Variants in MAP2K7 observed in about 807,000 individuals in gnomAD.
MAP2K7 encodes dual specificity mitogen-activated protein kinase kinase 7.
Under a neutral mutation model 47.7 loss-of-function variants are expected in MAP2K7, and 12 were observed. The observed-to-expected ratio is 0.25, with a 90% confidence interval of 0.16 to 0.41. The LOEUF is 0.41. MAP2K7 is among the 10% of genes least tolerant of loss of function. The probability of loss-of-function intolerance (pLI) is 1.00; values close to 1 mark genes in which losing one functional copy is unlikely to be tolerated. For synonymous variants in MAP2K7, 299 were observed against 243.0 expected (o/e 1.23, Z -2.14); for missense variants, 415 against 600.3 (o/e 0.69, Z 3.23).
intron 1 of MAP2K7, among the ~76,000 whole-genome samples, 178 bp downstream of exon 1, chr19:7,904,246 G>A (rs1982288420): frequency 1.3e-5 from 2 of 152,058 alleles, no homozygotes; most frequent in Admixed American, 6.5e-5. Context: ...CGTGGAGCCG[G>A]CGAGCTCCGG....
At position 7,912,302 on chromosome 19, in the gene MAP2K7, C is replaced by T. The variant is rs1982933532; in HGVS notation, c.1131C>T (p.His377=). The T allele has an allele frequency of 3.1e-6, 5 of 1,613,630 alleles. No individual in the cohort carries two copies. The Admixed American group carries it at 6.7e-5, about 22-fold the overall frequency. Residue 377 remains histidine, a synonymous_variant, in exon 11 of 11, where the codon CAC becomes CAT. Coordinates refer to ENST00000397979, the MANE Select transcript of MAP2K7 (RefSeq NM_145185.4). ...CCACCCCCTCGGGCCCACAGGAACACAGCTTCATCAAGCGCTACGAGACGC... is the reference window on the plus strand; with the variant it reads ...CCACCCCCTCGGGCCCACAGGAACATAGCTTCATCAAGCGCTACGAGACGC... ...KRPKYNKLLE[H]SFIKRYETLE...
At chr19:7,910,666 C>T (rs1425831625) in intron 5 of MAP2K7, 30 bp from the exon 6 acceptor site, 1 of 1,606,688 alleles carries the variant, frequency 6.2e-7, no homozygotes, top group Non-Finnish European at 8.5e-7. Context: ...CCGGAAGACA[C>T]AGCTCCCCCG....
In MAP2K7 at chr19:7,912,226, T is replaced by C. The variant is rs372163405; in HGVS notation, c.1125+32T>C. 16 of 1,613,738 alleles carry C rather than the reference T, an allele frequency of 9.9e-6. No homozygotes were observed. The African/African-American group carries it at 2.0e-4, about 20-fold the overall frequency. ...ACCTGAGCCCTCCCAGTCCCCGTCC[T>C]GTCCCTGCGGAGGCGCGAGGCCAGG... On this transcript the variant is annotated intron_variant, in intron 10 of 10. Coordinates refer to ENST00000397979, the MANE Select transcript of MAP2K7 (RefSeq NM_145185.4).
At chr19:7,906,080 T>C (rs1330221639) in intron 1 of MAP2K7, 3 of 573,780 alleles carry the variant, frequency 5.2e-6, no homozygotes, top group Admixed American at 3.0e-5. Flanking sequence ...AGCTCCACTT[T>C]GGACTCCCTG....
Position 7,911,428 on chromosome 19 carries a change from C to T in MAP2K7, c.937-8C>T. On this transcript the variant is annotated splice_polypyrimidine_tract_variant and splice_region_variant and intron_variant, in intron 8 of 10. Transcript: ENST00000397979. ...AAACCTGTCCAGCCCTGCCCGTCTC[C>T]CTCCCAGGTGGAGCTGGCAACAGGA... 6.2e-7 allele frequency: 1 copy of T among 1,613,310 alleles called. No individual in the cohort carries two copies. The highest frequency in any genetic ancestry group is 1.7e-4 in the Middle Eastern group (1 of 6,058).
chr19:7,907,888 C>T (rs1982568938), intron 1 of MAP2K7, among the ~76,000 whole-genome samples: 1 of 152,104 alleles, frequency 6.6e-6, no homozygotes, highest in South Asian at 2.1e-4. Flanking sequence ...CACAGGCCCT[C>T]GGGAGCCAGA....
At position 7,913,043 on chromosome 19, in the gene MAP2K7, G is replaced by GCGCTCTCT. The variant is rs143071290; in HGVS notation, c.*613_*614insGCTCTCTC. 6 of 150,034 alleles carry GCGCTCTCT rather than the reference G, an allele frequency of 4.0e-5. No homozygotes were observed. Among genetic ancestry groups the GCGCTCTCT allele is most frequent in the African/African-American group, 1.2e-4 (5 of 40,578 alleles). The allele number at this position is 150,034 out of a possible 1,614,324, so 9.3% of individuals were successfully genotyped here. Reference sequence around the variant, plus strand: ...CGGCTGGACGGGGCTGCGCGCTCGCGCTCTCTCTCTCTCTCTCTCTCTCTC... The same window carrying GCGCTCTCT: ...CGGCTGGACGGGGCTGCGCGCTCGCGCGCTCTCTCTCTCTCTCTCTCTCTCTCTCTCTC... On this transcript the variant is annotated 3_prime_UTR_variant, in exon 11 of 11. Coordinates refer to ENST00000397979, the MANE Select transcript of MAP2K7 (RefSeq NM_145185.4).
At chr19:7,910,154 G>T in intron 3 of MAP2K7, 25 bp downstream of exon 3, 1 of 1,594,340 alleles carries the variant, frequency 6.3e-7, no homozygotes, top group Non-Finnish European at 8.5e-7. Context: ...GTGGCGGGGA[G>T]AGGGAGGAGG....
chr19:7,905,964 T>C (rs1982423882), intron 1 of MAP2K7: 1 of 958,574 alleles, frequency 1.0e-6, no homozygotes, highest in Admixed American at 1.8e-5. Context: ...TGTGTCCCCA[T>C]GTCCCTTCCC....
chr19:7,907,653 C>T (rs1249824888), intron 1 of MAP2K7, among the ~76,000 whole-genome samples: 1 of 152,212 alleles, frequency 6.6e-6, no homozygotes, highest in African/African-American at 2.4e-5. Context: ...TCCCCCCATG[C>T]TCCAGTCTGT....
At chr19:7,911,939 C>A (rs1568279987) in intron 9 of MAP2K7, among the ~76,000 whole-genome samples, 1 of 152,204 alleles carries the variant, frequency 6.6e-6, no homozygotes, top group African/African-American at 2.4e-5. Context: ...CCCCCCAAGC[C>A]AGGCCCTTGC....
chr19:7,907,396 G>A (rs985337751), intron 1 of MAP2K7, among the ~76,000 whole-genome samples: 8 of 152,172 alleles, frequency 5.3e-5, no homozygotes, highest in East Asian at 3.8e-4. Flanking sequence ...TGTGTTGTGC[G>A]TGCGTGCACT....
At chr19:7,908,234 G>A (rs1329551076) in intron 1 of MAP2K7, among the ~76,000 whole-genome samples, 1 of 151,986 alleles carries the variant, frequency 6.6e-6, no homozygotes. Flanking sequence ...CAGCGGGAGG[G>A]GCACGGGAGG....
In MAP2K7 at chr19:7,903,920, CGCG is replaced by C; in HGVS notation, c.-17_-15del. ...CGGACTGACGGGCGGCCGGGCGGTGCGCGGCGGCGGTGGCGGCGGGGAAGATGG... is the reference window on the plus strand; with the variant it reads ...CGGACTGACGGGCGGCCGGGCGGTGCGCGGCGGTGGCGGCGGGGAAGATGG... On this transcript the variant is annotated 5_prime_UTR_variant, in exon 1 of 11. Coordinates refer to ENST00000397979, the MANE Select transcript of MAP2K7 (RefSeq NM_145185.4). The C allele has an allele frequency of 6.7e-7, 1 of 1,492,804 alleles. No homozygotes were observed. Among genetic ancestry groups the C allele is most frequent in the Non-Finnish European group, 8.9e-7 (1 of 1,118,078 alleles). 92.5% of individuals were successfully genotyped at this position (1,492,804 alleles called of 1,614,324 possible). A position where few individuals can be genotyped will look rare whatever the true frequency, so the allele number is the denominator to read the frequency against.
chr19:7,910,041 G>T, intron 2 of MAP2K7, 22 bp from the exon 3 acceptor site: 1 of 1,583,726 alleles, frequency 6.3e-7, no homozygotes, highest in Admixed American at 1.9e-5. Context: ...CACCTCCACC[G>T]GCACCTGCTC....
At chr19:7,908,816 C>T (rs1428943031) in intron 1 of MAP2K7, among the ~76,000 whole-genome samples, 7 of 152,100 alleles carry the variant, frequency 4.6e-5, no homozygotes, top group African/African-American at 1.7e-4. Context: ...CCTCCTGTCC[C>T]AGGCCCCTCT....
chr19:7,908,119 C>T (rs547399003), intron 1 of MAP2K7, among the ~76,000 whole-genome samples: 1 of 151,470 alleles, frequency 6.6e-6, no homozygotes, highest in African/African-American at 2.4e-5. Context: ...GAGTTGAGAT[C>T]ACGCCACTGC....
intron 1 of MAP2K7, among the ~76,000 whole-genome samples, chr19:7,904,840 T>C (rs1437949117): frequency 6.6e-6 from 1 of 152,068 alleles, no homozygotes; most frequent in African/African-American, 2.4e-5. Context: ...TGTGTTCAAG[T>C]GATGGCTCCC....
Position 7,914,002 on chromosome 19 carries a change from C to T in MAP2K7, c.*1571C>T, listed in dbSNP as rs1599633186. ...AAAGCCACCTTCTCTTGCCCCTTGG[C>T]CCCTTTGTCAGGGGCCAGGGGTCTG... On this transcript the variant is annotated 3_prime_UTR_variant, in exon 11 of 11. Transcript: ENST00000397979. 2.0e-5 allele frequency: 3 copies of T among 152,146 alleles called. No individual in the cohort carries two copies. Among genetic ancestry groups the T allele is most frequent in the East Asian group, 3.9e-4 (2 of 5,124 alleles). 9.4% of individuals were successfully genotyped at this position (152,146 alleles called of 1,614,324 possible).
Sources: allele counts gnomAD v4.1 joint callset (sites outside exome capture counted in the v4.1 genomes callset), GRCh38; gene constraint gnomAD v4.1.1; transcripts MANE v1.5; gene names NCBI Gene and HGNC (gene_info 2026-07-23, HGNC 2026-07-21).